The following UBE2D3 variants were observed in gnomAD, a reference collection of about 807,000 sequenced individuals.
UBE2D3 encodes ubiquitin-conjugating enzyme E2 D3.
In UBE2D3, 2 loss-of-function variants were observed where a neutral mutation model predicts 22.8. The observed-to-expected ratio is 0.09, with a 90% CI of 0.04 to 0.28. UBE2D3 has a LOEUF of 0.28. Ranked by LOEUF, UBE2D3 falls within the 10% of genes least tolerant of loss-of-function variation. The pLI is 1.00. For synonymous variants in UBE2D3, 56 were observed against 60.4 expected (o/e 0.93, Z 0.34); for missense variants, 27 against 182.5 (o/e 0.15, Z 4.91).
At chr4:102,825,020 C>G (rs1730233624) in intron 2 of UBE2D3, among the ~76,000 whole-genome samples, 1 of 152,004 alleles carries the variant, frequency 6.6e-6, no homozygotes. Context: ...TATGAAGGCC[C>G]AAAACAAAAT....
intron 4 of UBE2D3, among the ~76,000 whole-genome samples, chr4:102,805,178 T>C (rs1453849170): frequency 6.6e-6 from 1 of 152,218 alleles, no homozygotes; most frequent in East Asian, 1.9e-4. Context: ...ATTTCAATGT[T>C]ACAATTTAAC....
chr4:102,855,184 C>T (rs937404189), intron 1 of UBE2D3, among the ~76,000 whole-genome samples: 1 of 152,182 alleles, frequency 6.6e-6, no homozygotes, highest in Non-Finnish European at 1.5e-5. Flanking sequence ...TTGCCTACAG[C>T]TCTTGCTTTC....
At chr4:102,844,267 G>A (rs1391779445) in intron 1 of UBE2D3, among the ~76,000 whole-genome samples, 2 of 152,098 alleles carry the variant, frequency 1.3e-5, no homozygotes, top group African/African-American at 4.8e-5. Context: ...TTGTAGAAAT[G>A]CAGTCTTGCC....
chr4:102,812,817 C>T (rs1728236463), intron 2 of UBE2D3: 1 of 152,162 alleles, frequency 6.6e-6, no homozygotes, highest in Non-Finnish European at 1.5e-5. Context: ...GACTTTGTCC[C>T]ATTTAACAGG....
rs572152126 is a variant in UBE2D3 at position 102,826,004 on chromosome 4, C to A, written c.24+481G>T. On this transcript the variant is annotated intron_variant, in intron 2 of 7. Transcript: ENST00000453744. Reference sequence around the variant, plus strand: ...TACGCAAGACTTCTTCTACCCGACCCTCAGTCAAGTTCGGGACTCGCCAGA... The same window carrying A: ...TACGCAAGACTTCTTCTACCCGACCATCAGTCAAGTTCGGGACTCGCCAGA... The A allele has an allele frequency of 3.4e-5, 10 of 296,366 alleles. No individual in the cohort carries two copies. The East Asian group carries it at 8.7e-4, about 26-fold the overall frequency. 18.4% of individuals were successfully genotyped at this position (296,366 alleles called of 1,614,324 possible).
Position 102,839,520 on chromosome 4 carries a change from G to A in UBE2D3, c.-128-12884C>T, listed in dbSNP as rs540898809. On this transcript the variant is annotated intron_variant, in intron 1 of 7. Transcript: ENST00000338145. ...ACTCCTGGGATCAAGCAACCTGCCC[G>A]CCTCGGCTTCCCAAAGTGCCATGAT... is the stretch of plus-strand genomic sequence containing the variant. Among the ~76,000 whole-genome samples the A allele has an allele frequency of 3.5e-4, 53 of 152,148 alleles. 1 individual carries two copies. Among genetic ancestry groups the A allele is most frequent in the African/African-American group, 1.2e-3 (51 of 41,424 alleles).
At chr4:102,812,940 C>T (rs1380201171) in intron 2 of UBE2D3, 1 of 152,062 alleles carries the variant, frequency 6.6e-6, no homozygotes, top group Non-Finnish European at 1.5e-5. Flanking sequence ...ACCTTATTAA[C>T]CTCAAAAGTG....
intron 1 of UBE2D3, among the ~76,000 whole-genome samples, chr4:102,855,168 C>T (rs1381019763): frequency 6.6e-6 from 1 of 152,170 alleles, no homozygotes; most frequent in African/African-American, 2.4e-5. Flanking sequence ...AGCATCAGTT[C>T]TGTGGTTGCC....
At chr4:102,798,205 C>G (rs1034621552) in intron 7 of UBE2D3, among the ~76,000 whole-genome samples, 7 of 147,412 alleles carry the variant, frequency 4.7e-5, no homozygotes, top group African/African-American at 1.8e-4. Flanking sequence ...TAAATACTAT[C>G]AGCTTCCCCC....
At chr4:102,797,566 C>A in intron 7 of UBE2D3, 106 bp from the exon 8 acceptor site, 2 of 829,694 alleles carry the variant, frequency 2.4e-6, no homozygotes, top group South Asian at 2.0e-5. Flanking sequence ...ATCATGAAGT[C>A]ATCTCTAATG....
chr4:102,797,542 T>C, intron 7 of UBE2D3, 82 bp from the exon 8 acceptor site: 1 of 1,185,776 alleles, frequency 8.4e-7, no homozygotes, highest in Non-Finnish European at 1.2e-6. Flanking sequence ...TTCCATTTTA[T>C]CATCTCCAGA....
intron 1 of UBE2D3, among the ~76,000 whole-genome samples, chr4:102,842,488 CA>C (rs1731809572): frequency 6.6e-6 from 1 of 151,146 alleles, no homozygotes; most frequent in Non-Finnish European, 1.5e-5. Context: ...GCCAGGAGTT[CA>C]AAGTTGCAGT....
At chr4:102,828,275 T>TA (rs1730890000), upstream of UBE2D3, 2 of 985,108 alleles carry the variant, frequency 2.0e-6, no homozygotes, top group Non-Finnish European at 2.4e-6. Flanking sequence ...CAGATACCTT[T>TA]AGTCTAGCTC....
At chr4:102,834,556 C>A (rs975887825) in intron 1 of UBE2D3, among the ~76,000 whole-genome samples, 2 of 151,956 alleles carry the variant, frequency 1.3e-5, no homozygotes, top group Non-Finnish European at 2.9e-5. Flanking sequence ...TAGAGACCAT[C>A]TTGGGCAACA....
intron 2 of UBE2D3, among the ~76,000 whole-genome samples, chr4:102,813,437 A>ACG (rs1356983354): frequency 6.6e-6 from 1 of 152,232 alleles, no homozygotes; most frequent in Admixed American, 6.5e-5. Flanking sequence ...AGAAAAGGTG[A>ACG]CGCTAAGATT....
chr4:102,832,412 G>A (rs949023570), upstream of UBE2D3, among the ~76,000 whole-genome samples: 8 of 152,140 alleles, frequency 5.3e-5, no homozygotes, highest in South Asian at 8.3e-4. Flanking sequence ...TGAAGGGGAT[G>A]GGATAGAATG....
intron 1 of UBE2D3, 97 bp from the exon 2 acceptor site, chr4:102,826,733 G>T: frequency 7.0e-7 from 1 of 1,422,038 alleles, no homozygotes; most frequent in South Asian, 1.5e-5. Flanking sequence ...GGGGTGGGTG[G>T]GGTGGCGTGG....
chr4:102,803,698 C>T (rs1396313673), intron 4 of UBE2D3, among the ~76,000 whole-genome samples: 5 of 152,122 alleles, frequency 3.3e-5, no homozygotes, highest in Admixed American at 6.6e-5. Context: ...ACAAGGGACA[C>T]GAGTTCAAAG....
chr4:102,832,877 G>A (rs1731185799), intron 1 of UBE2D3, among the ~76,000 whole-genome samples: 1 of 151,892 alleles, frequency 6.6e-6, no homozygotes, highest in Non-Finnish European at 1.5e-5. Context: ...ATGTGCCTGT[G>A]GTCCCAGCTG....
Sources: allele counts gnomAD v4.1 joint callset (sites outside exome capture counted in the v4.1 genomes callset), GRCh38; gene constraint gnomAD v4.1.1; transcripts MANE v1.5; gene names NCBI Gene and HGNC (gene_info 2026-07-23, HGNC 2026-07-21).